The following TAFA2 variants were observed in gnomAD, a reference collection of about 807,000 sequenced individuals.
TAFA2 encodes TAFA chemokine like family member 2, also known as chemokine-like protein TAFA-2.
A neutral mutation model predicts 18.8 loss-of-function variants in TAFA2; 7 were observed. The ratio of observed to expected loss-of-function variants is 0.37; its 90% CI spans 0.21 to 0.70. The LOEUF is 0.70. Ranked by LOEUF, TAFA2 falls within the 30% of genes least tolerant of loss-of-function variation. The pLI is 0.53. For synonymous variants in TAFA2, 60 were observed against 54.2 expected (o/e 1.11, Z -0.47); for missense variants, 122 against 158.1 (o/e 0.77, Z 1.23).
At chr12:62,080,060 T>C (rs1359731163) in intron 1 of TAFA2, among the ~76,000 whole-genome samples, 1 of 152,184 alleles carries the variant, frequency 6.6e-6, no homozygotes, top group East Asian at 1.9e-4. Flanking sequence ...GACCATGTAA[T>C]GGTAGCAGAA....
In TAFA2 at chr12:62,221,262, G is replaced by GAAGT. The variant is rs1555199021; in HGVS notation, c.-130+37497_-130+37500dup. On this transcript the variant is annotated intron_variant, in intron 1 of 5. Coordinates refer to the TAFA2 transcript ENST00000551619. ...GGAAGGAAGGAAGGAAGGAAGGAAG[G>GAAGT]AAGTTTGAAAGAAAAGAAACAAAAA... Among the ~76,000 whole-genome samples the GAAGT allele has an allele frequency of 9.1e-3, 1,295 of 141,898 alleles. 19 individuals are homozygous for GAAGT. The highest frequency in any genetic ancestry group is 0.025 in the African/African-American group (933 of 38,006). 93.1% of individuals were successfully genotyped at this position (141,898 alleles called of 152,430 possible).
intron 2 of TAFA2, among the ~76,000 whole-genome samples, chr12:61,854,791 T>A (rs946364369): frequency 6.6e-6 from 1 of 152,164 alleles, no homozygotes; most frequent in Non-Finnish European, 1.5e-5. Flanking sequence ...AAAAGCAAGG[T>A]TTTAAAAAAT....
chr12:61,817,774 T>G (rs1872145027), intron 2 of TAFA2, among the ~76,000 whole-genome samples: 1 of 152,166 alleles, frequency 6.6e-6, no homozygotes, highest in Admixed American at 6.5e-5. Flanking sequence ...ATGGCCAAAA[T>G]AAACATAAAT....
At chr12:61,860,570 C>A (rs1021233800) in intron 2 of TAFA2, among the ~76,000 whole-genome samples, 6 of 152,188 alleles carry the variant, frequency 3.9e-5, no homozygotes, top group Non-Finnish European at 7.3e-5. Context: ...GCCACCTCCC[C>A]AGGCTAACTG....
chr12:61,955,343 C>T (rs957013713), intron 1 of TAFA2, among the ~76,000 whole-genome samples: 1 of 151,564 alleles, frequency 6.6e-6, no homozygotes, highest in African/African-American at 2.4e-5. Flanking sequence ...GTGGCTCACG[C>T]CTGTAATCCC....
At chr12:62,061,769 T>C (rs1452997556) in intron 1 of TAFA2, among the ~76,000 whole-genome samples, 3 of 152,190 alleles carry the variant, frequency 2.0e-5, no homozygotes, top group Admixed American at 1.3e-4. Flanking sequence ...TATTCATTCA[T>C]TGAATATTTA....
intron 1 of TAFA2, among the ~76,000 whole-genome samples, chr12:62,157,113 C>T (rs2062374898): frequency 6.6e-6 from 1 of 151,996 alleles, no homozygotes; most frequent in African/African-American, 2.4e-5. Flanking sequence ...GCACAATGCT[C>T]TTCAAAAAAT....
intron 1 of TAFA2, among the ~76,000 whole-genome samples, chr12:62,228,156 A>G (rs1022133980): frequency 6.6e-6 from 1 of 152,120 alleles, no homozygotes; most frequent in African/African-American, 2.4e-5. Flanking sequence ...AGCACCTGAT[A>G]GGTAGTTTTT....
At chr12:62,128,219 C>G (rs1870541431) in intron 1 of TAFA2, among the ~76,000 whole-genome samples, 1 of 151,960 alleles carries the variant, frequency 6.6e-6, no homozygotes, top group African/African-American at 2.4e-5. Flanking sequence ...GAGATAGAAA[C>G]AGAAATAATA....
At chr12:62,257,160 A>ATGTG (rs1369986100) in intron 1 of TAFA2, among the ~76,000 whole-genome samples, 3 of 2,266 alleles carry the variant, frequency 1.3e-3, no homozygotes, top group African/African-American at 6.8e-3. Context: ...ATATACATAT[A>ATGTG]TATGTGTGTG....
chr12:61,863,293 G>A (rs543665129), intron 2 of TAFA2, among the ~76,000 whole-genome samples: 13 of 152,254 alleles, frequency 8.5e-5, no homozygotes, highest in East Asian at 1.9e-4. Flanking sequence ...GAAGACAGCC[G>A]CTGTGCACTA....
At chr12:62,139,610 A>G (rs1022292450) in intron 1 of TAFA2, among the ~76,000 whole-genome samples, 2 of 152,226 alleles carry the variant, frequency 1.3e-5, no homozygotes, top group Non-Finnish European at 2.9e-5. Flanking sequence ...TCTGCACCAG[A>G]GAAACATTTT....
At chr12:61,869,450 A>G (rs1242945389) in intron 1 of TAFA2, among the ~76,000 whole-genome samples, 1 of 152,178 alleles carries the variant, frequency 6.6e-6, no homozygotes, top group African/African-American at 2.4e-5. Context: ...TCAGACTAGC[A>G]TTTTCCTAAA....
intron 1 of TAFA2, among the ~76,000 whole-genome samples, chr12:62,143,447 T>C (rs926517356): frequency 5.9e-5 from 9 of 152,222 alleles, no homozygotes; most frequent in African/African-American, 1.9e-4. Context: ...TTTCCCCTGC[T>C]GAAATTCTTA....
At chr12:61,718,560 C>CA (rs533968142) in intron 4 of TAFA2, among the ~76,000 whole-genome samples, 18 of 152,084 alleles carry the variant, frequency 1.2e-4, no homozygotes, top group Non-Finnish European at 2.1e-4. Flanking sequence ...CTCTTGAAGA[C>CA]ATTCAAAAAA....
At chr12:61,890,215 T>C (rs1875569005) in intron 1 of TAFA2, 1 of 152,258 alleles carries the variant, frequency 6.6e-6, no homozygotes, top group African/African-American at 2.4e-5. Flanking sequence ...ATAAGGTCAC[T>C]TTGTGGATTC....
At chr12:61,734,102 G>A (rs1868264718) in intron 4 of TAFA2, among the ~76,000 whole-genome samples, 1 of 150,302 alleles carries the variant, frequency 6.7e-6, no homozygotes. Context: ...AAGAATGCTT[G>A]TGATTTTTGT....
At chr12:62,020,516 A>ATGTCAATTAGTTG (rs1336470303) in intron 1 of TAFA2, among the ~76,000 whole-genome samples, 1 of 152,196 alleles carries the variant, frequency 6.6e-6, no homozygotes, top group Non-Finnish European at 1.5e-5. Flanking sequence ...TTTTCAGAGA[A>ATGTCAATTAGTTG]TGTCAATTAG....
intron 1 of TAFA2, among the ~76,000 whole-genome samples, chr12:62,020,817 G>C (rs1345758062): frequency 1.3e-5 from 2 of 152,082 alleles, no homozygotes. Context: ...AAATTTTTCT[G>C]TAGCCTGGTT....
Sources: gnomAD v4.1 joint callset for allele counts (sites outside exome capture counted in the v4.1 genomes callset) on GRCh38, gnomAD v4.1.1 for gene constraint, MANE v1.5 for transcripts, NCBI Gene and HGNC (gene_info 2026-07-23, HGNC 2026-07-21) for gene names.